Variants in RAD18 observed in about 807,000 individuals in gnomAD.
RAD18 encodes the protein E3 ubiquitin-protein ligase RAD18.
RAD18 carries 47 observed loss-of-function variants against 60.4 expected under a neutral mutation model. That is an observed-to-expected ratio of 0.78 (90% CI 0.62 to 0.99). The LOEUF is 0.99. Among genes scored for constraint, RAD18 ranks in the 50% least tolerant of loss-of-function variants. RAD18 has a pLI of 0.00. For missense variants in RAD18, 640 were observed against 593.3 expected, an observed-to-expected ratio of 1.08 and a Z score of -0.82; for synonymous variants, 225 against 195.5, an observed-to-expected ratio of 1.15 and a Z score of -1.26.
chr3:8,928,047 CT>C (rs1940475638), intron 7 of RAD18, among the ~76,000 whole-genome samples: 1 of 107,078 alleles, frequency 9.3e-6, no homozygotes. Flanking sequence ...TACCCTAAAA[CT>C]TAAAAAAAAA....
At chr3:8,926,992 G>C (rs1940452067) in intron 7 of RAD18, among the ~76,000 whole-genome samples, 1 of 152,038 alleles carries the variant, frequency 6.6e-6, no homozygotes. Context: ...TCAGGACATA[G>C]GCATGGGCAA....
chr3:8,887,027 C>T (rs1458314863), intron 12 of RAD18, among the ~76,000 whole-genome samples: 1 of 152,208 alleles, frequency 6.6e-6, no homozygotes, highest in East Asian at 1.9e-4. Flanking sequence ...GGCAGAGAGA[C>T]AGCTAGACAG....
At chr3:8,900,182 C>A (rs1340628636) in intron 10 of RAD18, among the ~76,000 whole-genome samples, 1 of 152,124 alleles carries the variant, frequency 6.6e-6, no homozygotes, top group Non-Finnish European at 1.5e-5. Context: ...AATAAACTAT[C>A]ATTAGCAAAA....
intron 7 of RAD18, among the ~76,000 whole-genome samples, chr3:8,925,056 A>ATT (rs1940407097): frequency 6.6e-6 from 1 of 151,872 alleles, no homozygotes; most frequent in Non-Finnish European, 1.5e-5. Flanking sequence ...GAAATAACTA[A>ATT]GATCAGAGCA....
At chr3:8,960,520 T>A (rs935207698) in intron 1 of RAD18, among the ~76,000 whole-genome samples, 3 of 152,218 alleles carry the variant, frequency 2.0e-5, no homozygotes, top group Non-Finnish European at 4.4e-5. Flanking sequence ...ATGGTCCATA[T>A]GATGAAATAT....
At chr3:8,960,409 TAAG>T (rs1230972859) in intron 1 of RAD18, among the ~76,000 whole-genome samples, 3 of 152,210 alleles carry the variant, frequency 2.0e-5, no homozygotes, top group Non-Finnish European at 4.4e-5. Flanking sequence ...AGGAACATGG[TAAG>T]AAGGAGACTT....
At chr3:8,882,659 A>C (rs947157200) in intron 12 of RAD18, among the ~76,000 whole-genome samples, 1 of 152,232 alleles carries the variant, frequency 6.6e-6, no homozygotes, top group Non-Finnish European at 1.5e-5. Context: ...GGTGCAGGAA[A>C]GCAAGCATGG....
intron 6 of RAD18, among the ~76,000 whole-genome samples, chr3:8,939,202 T>G (rs1940702415): frequency 3.9e-5 from 6 of 152,144 alleles, no homozygotes; most frequent in Admixed American, 2.6e-4. Context: ...ATATCTTATA[T>G]TCAGAGTCTA....
At chr3:8,930,254 T>G (rs1160616559) in intron 7 of RAD18, among the ~76,000 whole-genome samples, 1 of 152,234 alleles carries the variant, frequency 6.6e-6, no homozygotes, top group Non-Finnish European at 1.5e-5. Flanking sequence ...TAAGTGAGTA[T>G]TGACCACAGA....
chr3:8,882,595 A>G (rs1342059061), intron 12 of RAD18, among the ~76,000 whole-genome samples: 1 of 152,198 alleles, frequency 6.6e-6, no homozygotes, highest in Non-Finnish European at 1.5e-5. Flanking sequence ...AATAAGCAGG[A>G]GCAGGAAATG....
intron 12 of RAD18, 180 bp downstream of exon 12, chr3:8,890,209 T>G: frequency 1.7e-6 from 1 of 583,136 alleles, no homozygotes; most frequent in South Asian, 2.2e-5. Flanking sequence ...TACATAGGAT[T>G]CCATTTCTTA....
intron 7 of RAD18, among the ~76,000 whole-genome samples, chr3:8,931,124 T>C (rs1940545574): frequency 6.6e-6 from 1 of 152,118 alleles, no homozygotes; most frequent in African/African-American, 2.4e-5. Context: ...AAAAATCCTA[T>C]GAAATCTATA....
At chr3:8,921,789 A>T (rs1940325345) in intron 7 of RAD18, among the ~76,000 whole-genome samples, 1 of 152,228 alleles carries the variant, frequency 6.6e-6, no homozygotes. Flanking sequence ...AAGAATGCTG[A>T]AAATGGTAAA....
chr3:8,940,489 G>C (rs1940729207), intron 5 of RAD18, among the ~76,000 whole-genome samples: 1 of 152,134 alleles, frequency 6.6e-6, no homozygotes, highest in Non-Finnish European at 1.5e-5. Flanking sequence ...AACACGTTAA[G>C]TACTAATAAA....
At chr3:8,893,148 T>C (rs1218072395) in intron 11 of RAD18, among the ~76,000 whole-genome samples, 1 of 152,214 alleles carries the variant, frequency 6.6e-6, no homozygotes, top group Non-Finnish European at 1.5e-5. Flanking sequence ...ATGTGCTCTA[T>C]TTTAATCTTT....
At position 8,884,859 on chromosome 3, in the gene RAD18, C is replaced by T. The variant is rs150465687; in HGVS notation, c.1386-3400G>A. 1.9e-3 allele frequency among the ~76,000 whole-genome samples: 293 copies of T among 152,336 alleles called. 2 individuals are homozygous for T. Among genetic ancestry groups the T allele is most frequent in the African/African-American group, 6.4e-3 (267 of 41,580 alleles). ...CCCACATTTTTTTCCATGCATGTAA[C>T]ACATTGACTTACTGGAATAACACTT... On this transcript the variant is annotated intron_variant, in intron 12 of 12. Transcript: ENST00000264926.
chr3:8,943,317 C>T (rs1455557170), intron 4 of RAD18, among the ~76,000 whole-genome samples: 1 of 135,324 alleles, frequency 7.4e-6, no homozygotes, highest in African/African-American at 2.8e-5. Context: ...GGACTTCAAA[C>T]TATGATAAAC....
chr3:8,915,615 G>A lies in RAD18; in HGVS notation c.890-1895C>T, dbSNP rs530131766. Among the ~76,000 whole-genome samples, 422 of 144,288 alleles carry A rather than the reference G, an allele frequency of 2.9e-3. 1 individual carries two copies. Among genetic ancestry groups the A allele is most frequent in the Non-Finnish European group, 4.6e-3 (308 of 66,710 alleles). The allele number at this position is 144,288 out of a possible 152,430, so 94.7% of individuals were successfully genotyped here. ...TTTTTTTTTTTTGAGACTGAGTCTC[G>A]CTCTGTCACCCAGGACGGAGTGCAG... is the stretch of plus-strand genomic sequence containing the variant. On this transcript the variant is annotated intron_variant, in intron 7 of 12. Transcript: ENST00000264926.
chr3:8,943,467 A>C (rs140919192), intron 4 of RAD18, among the ~76,000 whole-genome samples: 3 of 152,312 alleles, frequency 2.0e-5, no homozygotes, highest in African/African-American at 7.2e-5. Flanking sequence ...ACACAATACA[A>C]ACTTGAAGGC....
Sources: gnomAD v4.1 joint callset for allele counts (sites outside exome capture counted in the v4.1 genomes callset) on GRCh38, gnomAD v4.1.1 for gene constraint, MANE v1.5 for transcripts, NCBI Gene and HGNC (gene_info 2026-07-23, HGNC 2026-07-21) for gene names.